Variants in ANKHD1 observed in about 807,000 individuals in gnomAD.
ANKHD1 encodes ankyrin repeat and KH domain-containing protein 1.
ANKHD1 carries 31 observed loss-of-function variants against 230.5 expected under a neutral mutation model. That is an observed-to-expected ratio of 0.13 (90% CI 0.10 to 0.18). The LOEUF (loss-of-function observed/expected upper bound fraction) is 0.18, where lower values mean the gene tolerates loss of function less well. ANKHD1 is among the 10% of genes least tolerant of loss of function. ANKHD1 has a pLI of 1.00. For missense variants in ANKHD1, 2,256 were observed against 3,071.3 expected, an observed-to-expected ratio of 0.73 and a Z score of 6.27; for synonymous variants, 1,074 against 1,117.6, an observed-to-expected ratio of 0.96 and a Z score of 0.78.
chr5:140,425,177 A>G (rs1240487063), intron 1 of ANKHD1, among the ~76,000 whole-genome samples: 3 of 152,222 alleles, frequency 2.0e-5, no homozygotes, highest in Non-Finnish European at 4.4e-5. Context: ...GCTTTAACTT[A>G]GATTTAGGAA....
chr5:140,404,946 T>C (rs2126832446), intron 1 of ANKHD1, among the ~76,000 whole-genome samples: 1 of 149,956 alleles, frequency 6.7e-6, no homozygotes, highest in African/African-American at 2.5e-5. Context: ...TTTGTCTCTC[T>C]CTCTTTCTGA....
In ANKHD1 at chr5:140,529,414, C is replaced by G; in HGVS notation, c.6468C>G (p.Pro2156=). Residue 2156 remains proline, a synonymous_variant, in exon 29 of 34, where the codon CCC becomes CCG. Transcript: ENST00000360839. ...MVPNATIHQD[P]QSIFVTNPVT... ...CAAATGCAACTATTCACCAGGATCCCCAGTCTATTTTTGTTACGAATCCAG... is the reference window on the plus strand; with the variant it reads ...CAAATGCAACTATTCACCAGGATCCGCAGTCTATTTTTGTTACGAATCCAG... 6.2e-7 allele frequency: 1 copy of G among 1,614,164 alleles called. No homozygotes were observed. Among genetic ancestry groups the G allele is most frequent in the South Asian group, 1.1e-5 (1 of 91,078 alleles).
intron 1 of ANKHD1, among the ~76,000 whole-genome samples, chr5:140,402,549 C>T (rs1042663724): frequency 9.9e-5 from 15 of 152,202 alleles, no homozygotes; most frequent in African/African-American, 3.6e-4. Flanking sequence ...CAGGCTGCCT[C>T]CCGCCCACCC....
chr5:140,422,019 A>C (rs2126875644), intron 1 of ANKHD1, among the ~76,000 whole-genome samples: 1 of 152,270 alleles, frequency 6.6e-6, no homozygotes, highest in African/African-American at 2.4e-5. Flanking sequence ...AATCTTGGTT[A>C]ATTTGGGGTA....
chr5:140,519,130 T>G (rs1337635010), intron 24 of ANKHD1, among the ~76,000 whole-genome samples: 4 of 152,082 alleles, frequency 2.6e-5, no homozygotes, highest in African/African-American at 9.7e-5. Context: ...CAAGCATTCT[T>G]ATACACCAAC....
chr5:140,441,919 C>G (rs1209958382), intron 5 of ANKHD1, among the ~76,000 whole-genome samples: 1 of 150,610 alleles, frequency 6.6e-6, no homozygotes, highest in Non-Finnish European at 1.5e-5. Flanking sequence ...AACTGTATTT[C>G]TTATAATTCT....
Position 140,458,795 on chromosome 5 carries a change from A to G in ANKHD1, c.1413A>G (p.Gly471=), listed in dbSNP as rs748094929. ...ATCTTGAAGAAGTTAATGATGAAGG[A>G]TACACTCCCTTGATGGAAGCTGCCC... ...GANLEEVNDE[G]YTPLMEAARE... is the part of the protein sequence containing the mutation. The change falls in exon 8 of 34, where the codon GGA becomes GGG. Residue 471 remains glycine, a synonymous_variant. Coordinates refer to ENST00000360839, the MANE Select transcript of ANKHD1 (RefSeq NM_017747.3). The G allele has an allele frequency of 3.7e-6, 6 of 1,613,158 alleles. No homozygotes were observed. Among genetic ancestry groups the G allele is most frequent in the Admixed American group, 1.7e-5 (1 of 59,850 alleles).
Position 140,485,593 on chromosome 5 carries a change from G to A in ANKHD1, c.2003G>A (p.Gly668Asp). The A allele has an allele frequency of 1.2e-6, 2 of 1,613,392 alleles. No individual in the cohort carries two copies. The highest frequency in any genetic ancestry group is 1.7e-6 in the Non-Finnish European group (2 of 1,179,848). ...GADPTHRLKDGSTMLIEAAKG... is the reference protein window; with the variant it reads ...GADPTHRLKDDSTMLIEAAKG... Reference sequence around the variant, plus strand: ...ATCATGGCAATTCTTTTTCAGGATGGTTCAACAATGCTCATTGAAGCTGCA... The same window carrying A: ...ATCATGGCAATTCTTTTTCAGGATGATTCAACAATGCTCATTGAAGCTGCA... The change falls in exon 13 of 34, where the codon GGT becomes GAT. Residue 668 changes from glycine to aspartate, a missense_variant. Coordinates refer to ENST00000360839, the MANE Select transcript of ANKHD1 (RefSeq NM_017747.3). This position sits in a 1 kb window ranked among gnomAD's most constrained non-coding sequence, Gnocchi z 4.8.
chr5:140,402,060 G>A lies in ANKHD1; in HGVS notation c.93G>A (p.Pro31=). 6.7e-7 allele frequency: 1 copy of A among 1,490,076 alleles called. No individual in the cohort carries two copies. Among genetic ancestry groups the A allele is most frequent in the South Asian group, 1.4e-5 (1 of 73,698 alleles). The allele number at this position is 1,490,076 out of a possible 1,614,324, so 92.3% of individuals were successfully genotyped here. The part of the protein sequence containing the change: ...PRSAPAGASE[P]PPPGGVGLGI... ...CCGCCCCAGCTGGGGCCTCGGAGCC[G>A]CCTCCGCCGGGAGGGGTCGGTCTGG... is the stretch of plus-strand genomic sequence containing the variant. Residue 31 remains proline, a synonymous_variant, in exon 1 of 34, where the codon CCG becomes CCA. Coordinates refer to ENST00000360839, the MANE Select transcript of ANKHD1 (RefSeq NM_017747.3).
chr5:140,538,181 G>A lies in ANKHD1; in HGVS notation c.7324G>A (p.Glu2442Lys). 7 of 1,614,208 alleles carry A rather than the reference G, an allele frequency of 4.3e-6. No individual in the cohort carries two copies. The highest frequency in any genetic ancestry group is 1.1e-5 in the South Asian group (1 of 91,080). ...PSTFSQHQPM[E>K]RDDSGMVAPS... ...CACATTCTCCCAACATCAGCCAATG[G>A]AGAGAGATGATTCTGGAATGGTAGC... Residue 2442 changes from glutamate (E) to lysine (K), a missense_variant, in exon 32 of 34, where the codon GAG becomes AAG. Around this residue, in one of 13 missense-constraint regions of ANKHD1, gnomAD observed 778 missense variants for 966.5 expected, o/e 0.80. Coordinates refer to ENST00000360839, the MANE Select transcript of ANKHD1 (RefSeq NM_017747.3).
intron 15 of ANKHD1, 67 bp from the exon 16 acceptor site, chr5:140,504,754 G>A (rs1382486579): frequency 1.3e-6 from 2 of 1,547,084 alleles, no homozygotes; most frequent in South Asian, 1.3e-5. Flanking sequence ...CTGTTTTTGT[G>A]TTTTTCTATG....
At chr5:140,438,278 T>C (rs1773601942) in intron 2 of ANKHD1, among the ~76,000 whole-genome samples, 183 bp from the exon 3 acceptor site, 1 of 152,256 alleles carries the variant, frequency 6.6e-6, no homozygotes, top group Admixed American at 6.5e-5. Context: ...GGTTATGCCA[T>C]GGCCTTTTGA....
intron 2 of ANKHD1, 40 bp from the exon 3 acceptor site, chr5:140,438,421 T>G (rs76795642): frequency 1.3e-6 from 2 of 1,482,842 alleles, no homozygotes; most frequent in Middle Eastern, 1.8e-4. Flanking sequence ...CTTTTTTTTT[T>G]GTTGTTCTGC....
chr5:140,511,101 G>A (rs1752746836), intron 22 of ANKHD1, among the ~76,000 whole-genome samples: 1 of 152,182 alleles, frequency 6.6e-6, no homozygotes, highest in East Asian at 1.9e-4. Flanking sequence ...CTGAGATATG[G>A]GCGTGAGCCA....
At chr5:140,464,963 A>T (rs1775983246) in intron 10 of ANKHD1, 187 bp downstream of exon 10, 2 of 425,602 alleles carry the variant, frequency 4.7e-6, no homozygotes, top group East Asian at 8.9e-5. Flanking sequence ...TGAACAGGGC[A>T]TACTGTTTCT....
At chr5:140,483,129 T>G (rs1218591485) in intron 11 of ANKHD1, among the ~76,000 whole-genome samples, 1 of 152,206 alleles carries the variant, frequency 6.6e-6, no homozygotes, top group Non-Finnish European at 1.5e-5. Context: ...GGCAAGAAAT[T>G]TCAACTGGTG....
At position 140,401,994 on chromosome 5, in the gene ANKHD1, C is replaced by T; in HGVS notation, c.27C>T (p.Gly9=). The change falls in exon 1 of 34, where the codon GGC becomes GGT. Residue 9 remains glycine (G), a synonymous_variant. Transcript: ENST00000360839. Reference sequence around the variant, plus strand: ...TGCTGACTGATAGCGGAGGCGGCGGCACCTCCTTTGAGGAGGACCTGGACT... The same window carrying T: ...TGCTGACTGATAGCGGAGGCGGCGGTACCTCCTTTGAGGAGGACCTGGACT... MLTDSGGG[G]TSFEEDLDSV... is the part of the protein sequence containing the mutation. The T allele has an allele frequency of 6.4e-7, 1 of 1,557,806 alleles. No homozygotes were observed. Among genetic ancestry groups the T allele is most frequent in the Non-Finnish European group, 8.6e-7 (1 of 1,156,828 alleles).
chr5:140,420,922 C>T (rs1373103944), intron 1 of ANKHD1, among the ~76,000 whole-genome samples: 1 of 152,118 alleles, frequency 6.6e-6, no homozygotes, highest in African/African-American at 2.4e-5. Context: ...AATGATTCAA[C>T]CCCCTCCTTC....
intron 11 of ANKHD1, among the ~76,000 whole-genome samples, chr5:140,483,389 A>G (rs775265344): frequency 1.3e-5 from 2 of 150,968 alleles, no homozygotes; most frequent in Non-Finnish European, 2.9e-5. Context: ...GATAAAAACT[A>G]TATTTATATT....
Sources: gnomAD v4.1 joint callset for allele counts (sites outside exome capture counted in the v4.1 genomes callset) on GRCh38, gnomAD v4.1.1 for gene constraint, gnomAD v4.1.1 regional missense constraint, Gnocchi (gnomAD v3.1) non-coding constraint, MANE v1.5 for transcripts, NCBI Gene and HGNC (gene_info 2026-07-23, HGNC 2026-07-21) for gene names.